Variants in SLC14A2 observed in about 807,000 individuals in gnomAD.
SLC14A2 encodes solute carrier family 14 member 2, also known as urea transporter 2.
SLC14A2 carries 91 observed loss-of-function variants against 104.6 expected under a neutral mutation model. That is an observed-to-expected ratio of 0.87 (90% CI 0.73 to 1.04). SLC14A2 has a LOEUF of 1.04. Among genes scored for constraint, SLC14A2 ranks in the 50% least tolerant of loss-of-function variants. SLC14A2 has a pLI of 0.00. For missense variants in SLC14A2, 1,189 were observed against 1,156.0 expected (o/e 1.03, Z -0.41); for synonymous variants, 476 against 466.4 (o/e 1.02, Z -0.27).
intron 2 of SLC14A2, among the ~76,000 whole-genome samples, chr18:45,522,684 C>A (rs2043533260): frequency 1.3e-5 from 2 of 152,164 alleles, no homozygotes; most frequent in Admixed American, 1.3e-4. Flanking sequence ...TTTTAGACCA[C>A]AAATATTCAT....
At chr18:45,478,490 G>T (rs976847963) in intron 1 of SLC14A2, among the ~76,000 whole-genome samples, 1 of 152,182 alleles carries the variant, frequency 6.6e-6, no homozygotes, top group Non-Finnish European at 1.5e-5. Flanking sequence ...TAGCTTGATG[G>T]TAACACAATT....
intron 1 of SLC14A2, among the ~76,000 whole-genome samples, chr18:45,621,025 T>C (rs903914507): frequency 1.3e-5 from 2 of 152,224 alleles, no homozygotes; most frequent in Non-Finnish European, 2.9e-5. Context: ...GGAACATATC[T>C]AGTTCATCCA....
chr18:45,329,887 T>C lies in SLC14A2; in HGVS notation c.-125+116696T>C, dbSNP rs568497237. Among the ~76,000 whole-genome samples the C allele has an allele frequency of 2.2e-4, 33 of 152,334 alleles. 1 individual carries two copies. In the South Asian group the frequency reaches 6.4e-3, roughly 30 times the overall value. On this transcript the variant is annotated intron_variant, in intron 1 of 20. Coordinates refer to the SLC14A2 transcript ENST00000586448. ...ACCCAGTTTAAATTCCAAGTCATCA[T>C]GGTTTGTAATATAATAAATAATACT...
chr18:45,292,906 A>G (rs2084883465), intron 1 of SLC14A2, among the ~76,000 whole-genome samples: 2 of 152,008 alleles, frequency 1.3e-5, no homozygotes, highest in South Asian at 4.1e-4. Context: ...ATGGCTCCTT[A>G]ATGATCTTCA....
intron 5 of SLC14A2, among the ~76,000 whole-genome samples, chr18:45,633,284 T>G (rs991948270): frequency 7.9e-5 from 12 of 152,250 alleles, no homozygotes; most frequent in African/African-American, 2.9e-4. Flanking sequence ...TTGTCTATTA[T>G]GTGACGTAAC....
chr18:45,457,268 T>A (rs113186429), intron 1 of SLC14A2, among the ~76,000 whole-genome samples: 1 of 152,170 alleles, frequency 6.6e-6, no homozygotes, highest in East Asian at 1.9e-4. Flanking sequence ...TAGCCCTTTT[T>A]CAGCCAGTTT....
the SLC14A2 span, among the ~76,000 whole-genome samples, chr18:45,202,474 T>C: frequency 6.6e-6 from 1 of 152,200 alleles, no homozygotes; most frequent in Non-Finnish European, 1.5e-5. Context: ...GGCAAATATA[T>C]GCAAGTCGTT....
At chr18:45,508,414 T>C (rs1368089183) in intron 2 of SLC14A2, among the ~76,000 whole-genome samples, 1 of 151,956 alleles carries the variant, frequency 6.6e-6, no homozygotes, top group African/African-American at 2.4e-5. Context: ...ATCTGATGAT[T>C]TTAAAAAGGG....
chr18:45,520,994 G>C (rs192006022), intron 2 of SLC14A2, among the ~76,000 whole-genome samples: 240 of 152,250 alleles, frequency 1.6e-3, no homozygotes, highest in African/African-American at 5.4e-3. Context: ...CAGGTCCTCT[G>C]AGATACTCTA....
At chr18:45,607,071 C>T (rs1599057716) in intron 2 of SLC14A2, among the ~76,000 whole-genome samples, 2 of 152,166 alleles carry the variant, frequency 1.3e-5, no homozygotes, top group South Asian at 2.1e-4. Context: ...TCTTACTTTG[C>T]TTTCTGATTT....
At chr18:45,438,849 T>C (rs1348019425) in intron 1 of SLC14A2, among the ~76,000 whole-genome samples, 2 of 152,156 alleles carry the variant, frequency 1.3e-5, no homozygotes, top group Non-Finnish European at 2.9e-5. Context: ...ATACATGTAG[T>C]TCATTATTCC....
intron 2 of SLC14A2, among the ~76,000 whole-genome samples, chr18:45,553,087 G>C (rs563686458): frequency 6.6e-6 from 1 of 152,214 alleles, no homozygotes; most frequent in South Asian, 2.1e-4. Flanking sequence ...TAGATCAGGG[G>C]CTCCCAAATT....
chr18:45,322,242 T>C (rs926638760), intron 1 of SLC14A2, among the ~76,000 whole-genome samples: 1 of 152,198 alleles, frequency 6.6e-6, no homozygotes, highest in Non-Finnish European at 1.5e-5. Context: ...TATAACTTAG[T>C]GTTGGACATA....
At chr18:45,569,828 C>A (rs187559568) in intron 2 of SLC14A2, among the ~76,000 whole-genome samples, 2 of 152,294 alleles carry the variant, frequency 1.3e-5, no homozygotes, top group African/African-American at 4.8e-5. Context: ...TTCCAGCCAT[C>A]GACCAACCAG....
At chr18:45,598,079 G>T (rs2044739052) in intron 2 of SLC14A2, among the ~76,000 whole-genome samples, 1 of 152,028 alleles carries the variant, frequency 6.6e-6, no homozygotes, top group Admixed American at 6.6e-5. Context: ...CTACAAATGG[G>T]CAACCCACAC....
At position 45,291,651 on chromosome 18, in the gene SLC14A2, A is replaced by C. The variant is rs912996416; in HGVS notation, c.-125+78460A>C. Reference sequence around the variant, plus strand: ...TCAGTCACTCTTCAGGAGAAGAATAAAGTAGTGGTTGAACACCACTCGTTG... The same window carrying C: ...TCAGTCACTCTTCAGGAGAAGAATACAGTAGTGGTTGAACACCACTCGTTG... On this transcript the variant is annotated intron_variant, in intron 1 of 20. Coordinates refer to the SLC14A2 transcript ENST00000586448. Among the ~76,000 whole-genome samples, 16 of 152,260 alleles carry C rather than the reference A, an allele frequency of 1.1e-4. 1 individual carries two copies. In the South Asian group the frequency reaches 2.9e-3, roughly 28 times the overall value.
chr18:45,261,479 A>G (rs2084536833), intron 1 of SLC14A2, among the ~76,000 whole-genome samples: 1 of 151,608 alleles, frequency 6.6e-6, no homozygotes, highest in African/African-American at 2.4e-5. Flanking sequence ...ACATATGTAT[A>G]TATGTGCCAT....
the SLC14A2 span, among the ~76,000 whole-genome samples, chr18:45,196,360 A>G: frequency 1.3e-5 from 2 of 152,230 alleles, no homozygotes; most frequent in Non-Finnish European, 2.9e-5. Context: ...GTACTAGGTC[A>G]CAATGTAAAA....
rs772755381 is a variant in SLC14A2 at position 45,663,347 on chromosome 18, A to AT, written c.1352-431dup. ...AATACCATGGGCATTCAAAACTTTA[A>AT]TTTTTTTAAACTGGTCTGAGGTGGA... On this transcript the variant is annotated intron_variant, in intron 10 of 19. Transcript: ENST00000255226. Among the ~76,000 whole-genome samples, 86 of 152,088 alleles carry AT rather than the reference A, an allele frequency of 5.7e-4. 1 individual carries two copies. Among genetic ancestry groups the AT allele is most frequent in the Admixed American group, 5.9e-4 (9 of 15,280 alleles).
Sources: allele counts gnomAD v4.1 joint callset (sites outside exome capture counted in the v4.1 genomes callset), GRCh38; gene constraint gnomAD v4.1.1; transcripts MANE v1.5; gene names NCBI Gene and HGNC (gene_info 2026-07-23, HGNC 2026-07-21).